AHCTF1: variants seen among roughly 807,000 people sequenced by gnomAD.
AHCTF1 encodes the protein protein ELYS.
Under a neutral mutation model 248.4 loss-of-function variants are expected in AHCTF1, and 24 were observed. The observed-to-expected ratio is 0.10, with a 90% confidence interval of 0.07 to 0.14. The LOEUF (loss-of-function observed/expected upper bound fraction) is 0.14, where lower values mean the gene tolerates loss of function less well. Ranked by LOEUF, AHCTF1 falls within the 10% of genes least tolerant of loss-of-function variation. The pLI is 1.00. For synonymous variants in AHCTF1, 786 were observed against 929.8 expected, an observed-to-expected ratio of 0.85 and a Z score of 2.81; for missense variants, 2,206 against 2,636.2, an observed-to-expected ratio of 0.84 and a Z score of 3.57.
At chr1:246,876,589 T>C (rs1410084489) in intron 23 of AHCTF1, among the ~76,000 whole-genome samples, 1 of 152,198 alleles carries the variant, frequency 6.6e-6, no homozygotes, top group Non-Finnish European at 1.5e-5. Context: ...GTCTGACCCT[T>C]GAAGTCCAAT....
intron 33 of AHCTF1, 152 bp from the exon 34 acceptor site, chr1:246,844,080 T>C (rs1427832011): frequency 4.0e-6 from 2 of 505,356 alleles, no homozygotes; most frequent in Middle Eastern, 5.9e-4. Context: ...AGTATCCATG[T>C]TGGCAGAGAA....
chr1:246,903,079 G>T lies in AHCTF1; in HGVS notation c.967-404C>A, dbSNP rs140397173. 1.5e-3 allele frequency among the ~76,000 whole-genome samples: 229 copies of T among 152,274 alleles called. 1 individual carries two copies. Among genetic ancestry groups the T allele is most frequent in the African/African-American group, 5.4e-3 (223 of 41,550 alleles). ...GATACCTTTAAGAATCTGACAAAAG[G>T]CTATGAGACTTCGCCCATAAAAATG... On this transcript the variant is annotated intron_variant, in intron 7 of 35. Transcript: ENST00000648844.
At chr1:246,881,352 C>G (rs1221578663) in intron 21 of AHCTF1, among the ~76,000 whole-genome samples, 1 of 152,178 alleles carries the variant, frequency 6.6e-6, no homozygotes, top group African/African-American at 2.4e-5. Flanking sequence ...GTCAGCAACT[C>G]TGCATACTTA....
intron 24 of AHCTF1, among the ~76,000 whole-genome samples, chr1:246,871,666 C>G (rs1175449644): frequency 6.6e-6 from 1 of 152,162 alleles, no homozygotes; most frequent in Non-Finnish European, 1.5e-5. Flanking sequence ...CATGTCTCCA[C>G]AGACTCTAAG....
At chr1:246,931,281 C>CGACT (rs1456401736) in intron 1 of AHCTF1, 1 of 1,548,130 alleles carries the variant, frequency 6.5e-7, no homozygotes, top group South Asian at 1.2e-5. Flanking sequence ...TAAAGGGACC[C>CGACT]GACTGCCGGC....
intron 24 of AHCTF1, among the ~76,000 whole-genome samples, chr1:246,868,919 A>C (rs542446621): frequency 9.7e-5 from 14 of 144,038 alleles, no homozygotes; most frequent in Middle Eastern, 3.6e-3. Flanking sequence ...ATCTCGGCTC[A>C]CTGCAAGTTC....
Position 246,897,991 on chromosome 1 carries a change from T to A in AHCTF1, c.1623+217A>T, listed in dbSNP as rs1664713881. ...AGGTGTTTCCTGTCCTGTATCCTTC[T>A]ATACAGCTAAGTCAACCTGCTGCCA... On this transcript the variant is annotated intron_variant, in intron 12 of 35. Coordinates refer to ENST00000648844, the MANE Select transcript of AHCTF1 (RefSeq NM_001323342.2). Among the ~76,000 whole-genome samples the A allele has an allele frequency of 2.0e-5, 3 of 152,180 alleles. No individual in the cohort carries two copies. The South Asian group carries it at 6.2e-4, about 31-fold the overall frequency.
intron 33 of AHCTF1, among the ~76,000 whole-genome samples, chr1:246,845,410 A>G (rs1432144087): frequency 6.6e-6 from 1 of 152,220 alleles, no homozygotes; most frequent in Non-Finnish European, 1.5e-5. Flanking sequence ...AGAAATATAT[A>G]ATCTCTGCTC....
intron 20 of AHCTF1, among the ~76,000 whole-genome samples, chr1:246,886,855 CTATTT>C (rs913078321): frequency 6.6e-6 from 1 of 152,198 alleles, no homozygotes; most frequent in Non-Finnish European, 1.5e-5. Context: ...CCCTATCACA[CTATTT>C]TATAAGATCT....
Position 246,844,267 on chromosome 1 carries a change from T to A in AHCTF1, c.6392-339A>T, listed in dbSNP as rs185941658. 9.2e-5 allele frequency among the ~76,000 whole-genome samples: 14 copies of A among 152,320 alleles called. No individual in the cohort carries two copies. The East Asian group carries it at 2.7e-3, about 29-fold the overall frequency. The stretch of plus-strand genomic sequence containing the variant: ...GCATTCTGGGGAGGGAAAGCATTAA[T>A]CCTATATGTAACCTGAGCTAGTCTG... On this transcript the variant is annotated intron_variant, in intron 33 of 35. Transcript: ENST00000648844.
Position 246,861,311 on chromosome 1 carries a change from T to C in AHCTF1, c.3736-16A>G. 6.3e-7 allele frequency: 1 copy of C among 1,582,610 alleles called. No individual in the cohort carries two copies. Among genetic ancestry groups the C allele is most frequent in the Non-Finnish European group, 8.6e-7 (1 of 1,161,460 alleles). Reference sequence around the variant, plus strand: ...CATCTGCAGCCTGTAAAGTAAGATTTTGAAAAGAAAAAAATTAGTAAATAT... The same window carrying C: ...CATCTGCAGCCTGTAAAGTAAGATTCTGAAAAGAAAAAAATTAGTAAATAT... On this transcript the variant is annotated splice_polypyrimidine_tract_variant and intron_variant, in intron 28 of 35. Transcript: ENST00000648844.
rs760173356 is a variant in AHCTF1 at position 246,895,616 on chromosome 1, A to G, written c.1714+219T>C. Among the ~76,000 whole-genome samples, 60 of 152,162 alleles carry G rather than the reference A, an allele frequency of 3.9e-4. 2 individuals carry two copies. Among genetic ancestry groups the G allele is most frequent in the Non-Finnish European group, 3.1e-4 (21 of 68,020 alleles). ...AGGTAGGTATGGCTGTAACGGCAGCATGAGGGATCCTGGTGGTGCTGACTG... is the reference window on the plus strand; with the variant it reads ...AGGTAGGTATGGCTGTAACGGCAGCGTGAGGGATCCTGGTGGTGCTGACTG... On this transcript the variant is annotated intron_variant, in intron 13 of 35. Coordinates refer to ENST00000648844, the MANE Select transcript of AHCTF1 (RefSeq NM_001323342.2).
At chr1:246,864,616 A>ACC (rs1661822352) in intron 26 of AHCTF1, among the ~76,000 whole-genome samples, 1 of 78,700 alleles carries the variant, frequency 1.3e-5, no homozygotes, top group Non-Finnish European at 2.1e-5. Context: ...CGGGTGGATC[A>ACC]TGAGGTCAGG....
At chr1:246,845,937 T>C (rs1183524072) in intron 33 of AHCTF1, among the ~76,000 whole-genome samples, 2 of 150,534 alleles carry the variant, frequency 1.3e-5, no homozygotes, top group Non-Finnish European at 3.0e-5. Context: ...CAGCCAGTAG[T>C]AGCAGTAGTA....
intron 3 of AHCTF1, among the ~76,000 whole-genome samples, chr1:246,914,142 A>C (rs1273220898): frequency 6.6e-6 from 1 of 152,170 alleles, no homozygotes; most frequent in Non-Finnish European, 1.5e-5. Flanking sequence ...AATGTCTATA[A>C]CTAGTCATCC....
chr1:246,877,840 T>A (rs946641162), intron 21 of AHCTF1, among the ~76,000 whole-genome samples: 2 of 152,088 alleles, frequency 1.3e-5, no homozygotes, highest in African/African-American at 4.8e-5. Context: ...TTGTGGGCCA[T>A]AAGATCATTT....
chr1:246,881,068 C>A (rs1663367569), intron 21 of AHCTF1, among the ~76,000 whole-genome samples: 1 of 152,036 alleles, frequency 6.6e-6, no homozygotes, highest in Admixed American at 6.6e-5. Flanking sequence ...GTGGAGACCA[C>A]AATACAAAAA....
At chr1:246,841,889 T>TC (rs1475846228) in intron 35 of AHCTF1, among the ~76,000 whole-genome samples, 1 of 151,880 alleles carries the variant, frequency 6.6e-6, no homozygotes, top group African/African-American at 2.4e-5. Flanking sequence ...CCTCCTGGGT[T>TC]CAAGTGATTC....
chr1:246,853,606 G>A (rs1031166636), intron 31 of AHCTF1, among the ~76,000 whole-genome samples: 2 of 151,906 alleles, frequency 1.3e-5, no homozygotes, highest in Admixed American at 6.5e-5. Flanking sequence ...GTATTCACCA[G>A]GTGACTACCA....
Sources: gnomAD v4.1 joint callset for allele counts (sites outside exome capture counted in the v4.1 genomes callset) on GRCh38, gnomAD v4.1.1 for gene constraint, MANE v1.5 for transcripts, NCBI Gene and HGNC (gene_info 2026-07-23, HGNC 2026-07-21) for gene names.